CCDC7: variants seen among roughly 807,000 people sequenced by gnomAD.
CCDC7 encodes coiled-coil domain-containing protein 7.
Under a neutral mutation model 196.9 loss-of-function variants are expected in CCDC7, and 183 were observed. The observed-to-expected ratio is 0.93, with a 90% CI of 0.82 to 1.05. The LOEUF (loss-of-function observed/expected upper bound fraction) is 1.05, where lower values mean the gene tolerates loss of function less well. Among genes scored for constraint, CCDC7 ranks in the 50% least tolerant of loss-of-function variants. CCDC7 has a pLI of 0.00. For synonymous variants in CCDC7, 525 were observed against 484.6 expected (o/e 1.08, Z -1.10); for missense variants, 1,540 against 1,482.2 (o/e 1.04, Z -0.64).
At chr10:32,792,598 C>A (rs1430581644) in intron 29 of CCDC7, among the ~76,000 whole-genome samples, 1 of 152,096 alleles carries the variant, frequency 6.6e-6, no homozygotes, top group Non-Finnish European at 1.5e-5. Flanking sequence ...GTCAGGAGTT[C>A]AAGACCACCC....
intron 31 of CCDC7, among the ~76,000 whole-genome samples, chr10:32,822,106 G>A (rs933398822): frequency 1.3e-5 from 2 of 152,052 alleles, no homozygotes; most frequent in African/African-American, 4.8e-5. Context: ...TTCATTTCTA[G>A]CAGAACTGTT....
intron 18 of CCDC7, among the ~76,000 whole-genome samples, chr10:32,609,504 T>C (rs1156331302): frequency 6.6e-6 from 1 of 152,216 alleles, no homozygotes; most frequent in Non-Finnish European, 1.5e-5. Context: ...AGGCTACATA[T>C]ACTTGAGTCA....
At chr10:32,558,307 C>A (rs553172723) in intron 13 of CCDC7, among the ~76,000 whole-genome samples, 1 of 151,890 alleles carries the variant, frequency 6.6e-6, no homozygotes, top group African/African-American at 2.4e-5. Flanking sequence ...TAACACTATT[C>A]GATTTAAAAT....
chr10:32,706,462 C>T (rs2079772023), intron 24 of CCDC7, among the ~76,000 whole-genome samples: 1 of 152,020 alleles, frequency 6.6e-6, no homozygotes, highest in South Asian at 2.1e-4. Flanking sequence ...CAGGAAATAA[C>T]TAAGATCAGA....
chr10:32,607,246 C>A (rs543766430), intron 18 of CCDC7, among the ~76,000 whole-genome samples: 1 of 152,316 alleles, frequency 6.6e-6, no homozygotes, highest in South Asian at 2.1e-4. Context: ...ACCATGCTTC[C>A]TGTACAGCCT....
At chr10:32,472,576 A>T (rs1418328537) in intron 7 of CCDC7, 34 bp downstream of exon 8, 1 of 1,461,074 alleles carries the variant, frequency 6.8e-7, no homozygotes, top group Non-Finnish European at 9.1e-7. Context: ...ATCCTTAAAA[A>T]TTTTATTAAA....
chr10:32,870,407 T>C (rs2094385319), intron 41 of CCDC7, among the ~76,000 whole-genome samples: 1 of 152,198 alleles, frequency 6.6e-6, no homozygotes, highest in African/African-American at 2.4e-5. Flanking sequence ...TGTCTGTTAT[T>C]GGTGTATAAG....
At chr10:32,648,293 A>G (rs1275966438) in intron 20 of CCDC7, among the ~76,000 whole-genome samples, 1 of 151,850 alleles carries the variant, frequency 6.6e-6, no homozygotes, top group Non-Finnish European at 1.5e-5. Flanking sequence ...TTTGCTTAGT[A>G]TTGCTTTGGT....
At chr10:32,696,296 C>T (rs754762117) in intron 24 of CCDC7, among the ~76,000 whole-genome samples, 3 of 151,916 alleles carry the variant, frequency 2.0e-5, no homozygotes, top group African/African-American at 7.3e-5. Context: ...AACCAGAGAA[C>T]CTTATCTATT....
At chr10:32,662,772 T>C (rs1245433872) in intron 20 of CCDC7, among the ~76,000 whole-genome samples, 1 of 152,184 alleles carries the variant, frequency 6.6e-6, no homozygotes. Context: ...CTGCTAACTA[T>C]TTCACATCAT....
At position 32,854,623 on chromosome 10, in the gene CCDC7, C is replaced by T. The variant is rs146647465; in HGVS notation, c.4111+134C>T. On this transcript the variant is annotated intron_variant, in intron 41 of 41. Transcript: ENST00000639629. The stretch of plus-strand genomic sequence containing the variant: ...ACCTTATGGGTGAGGCATGGTTTCC[C>T]AAACCTTTCTTCAAACAAGTAAAAA... 5.8e-4 allele frequency: 331 copies of T among 574,274 alleles called. 3 individuals are homozygous for T. The East Asian group carries it at 9.6e-3, about 17-fold the overall frequency. 35.6% of individuals were successfully genotyped at this position (574,274 alleles called of 1,614,324 possible). A position where few individuals can be genotyped will look rare whatever the true frequency, so the allele number is the denominator to read the frequency against.
chr10:32,562,489 G>T (rs1010478524), intron 13 of CCDC7, among the ~76,000 whole-genome samples: 24 of 152,114 alleles, frequency 1.6e-4, no homozygotes, highest in Admixed American at 1.3e-3. Flanking sequence ...ATGCAAGGCT[G>T]GTTCAATATA....
chr10:32,682,891 T>TATG (rs2076025919), intron 21 of CCDC7, among the ~76,000 whole-genome samples: 1 of 152,204 alleles, frequency 6.6e-6, no homozygotes, highest in African/African-American at 2.4e-5. Context: ...ATTCTGGATA[T>TATG]TACACCTTTG....
chr10:32,881,362 A>G (rs543637018), downstream of CCDC7, among the ~76,000 whole-genome samples: 142 of 152,300 alleles, frequency 9.3e-4, no homozygotes, highest in African/African-American at 3.2e-3. Context: ...GGTTGTGGGC[A>G]TTAATTATAA....
intron 18 of CCDC7, among the ~76,000 whole-genome samples, chr10:32,628,909 G>A (rs1395388677): frequency 6.6e-6 from 1 of 151,976 alleles, no homozygotes; most frequent in African/African-American, 2.4e-5. Flanking sequence ...AGGCTTTTTT[G>A]TGCCTTATGT....
At chr10:32,635,801 C>T (rs772516079) in intron 20 of CCDC7, among the ~76,000 whole-genome samples, 11 of 151,640 alleles carry the variant, frequency 7.3e-5, no homozygotes, top group Non-Finnish European at 1.5e-4. Flanking sequence ...GCATGAAGCT[C>T]ATAGTTGTAT....
At chr10:32,722,957 G>T (rs1165945822) in intron 25 of CCDC7, among the ~76,000 whole-genome samples, 1 of 152,040 alleles carries the variant, frequency 6.6e-6, no homozygotes, top group African/African-American at 2.4e-5. Flanking sequence ...CCTTAGTCTT[G>T]TTTAGTTTTG....
intron 39 of CCDC7, among the ~76,000 whole-genome samples, chr10:32,850,765 G>T (rs921996558): frequency 6.9e-6 from 1 of 145,516 alleles, no homozygotes. Flanking sequence ...AATGTCACTT[G>T]TCTCTGACAA....
intron 28 of CCDC7, among the ~76,000 whole-genome samples, chr10:32,773,526 T>A (rs1370715436): frequency 6.6e-6 from 1 of 152,124 alleles, no homozygotes; most frequent in African/African-American, 2.4e-5. Flanking sequence ...TCTTAAAAAA[T>A]TGTTTCTATT....
Sources: gnomAD v4.1 joint callset for allele counts (sites outside exome capture counted in the v4.1 genomes callset) on GRCh38, gnomAD v4.1.1 for gene constraint, MANE v1.5 for transcripts, NCBI Gene and HGNC (gene_info 2026-07-23, HGNC 2026-07-21) for gene names.